The following EYS variants were observed in gnomAD, a reference collection of about 807,000 sequenced individuals.
EYS encodes EGF-like photoreceptor maintenance factor.
Under a neutral mutation model 282.1 loss-of-function variants are expected in EYS, and 250 were observed. That is an observed-to-expected ratio of 0.89 (90% CI 0.80 to 0.98). The LOEUF is 0.98. Among genes scored for constraint, EYS ranks in the 50% least tolerant of loss-of-function variants. The pLI is 0.00. For missense variants in EYS, 4,016 were observed against 3,709.0 expected (o/e 1.08, Z -2.15); for synonymous variants, 1,355 against 1,282.9 (o/e 1.06, Z -1.20).
At chr6:64,553,683 G>A (rs1238662570) in intron 26 of EYS, among the ~76,000 whole-genome samples, 1 of 151,578 alleles carries the variant, frequency 6.6e-6, no homozygotes, top group Non-Finnish European at 1.5e-5. Flanking sequence ...AGTTAACTCT[G>A]TGTCAACAAA....
chr6:64,557,530 A>G (rs759176821), intron 26 of EYS, among the ~76,000 whole-genome samples: 1 of 152,034 alleles, frequency 6.6e-6, no homozygotes, highest in Non-Finnish European at 1.5e-5. Flanking sequence ...GTTATTTTCA[A>G]TTACAATAAT....
intron 22 of EYS, among the ~76,000 whole-genome samples, chr6:64,786,494 T>C (rs1049476129): frequency 4.6e-5 from 7 of 151,410 alleles, no homozygotes; most frequent in Non-Finnish European, 8.9e-5. Context: ...CACCATGATG[T>C]TCTACACACA....
At chr6:64,087,320 C>A (rs2150249369) in intron 31 of EYS, among the ~76,000 whole-genome samples, 1 of 152,094 alleles carries the variant, frequency 6.6e-6, no homozygotes, top group South Asian at 2.1e-4. Flanking sequence ...TAAAGATTAC[C>A]CTAATGGAGC....
intron 12 of EYS, among the ~76,000 whole-genome samples, chr6:65,082,985 C>A (rs983465563): frequency 6.6e-6 from 1 of 151,758 alleles, no homozygotes; most frequent in South Asian, 2.1e-4. Context: ...TATTGATAGG[C>A]GAAATACTAT....
intron 36 of EYS, among the ~76,000 whole-genome samples, chr6:63,825,189 G>A (rs1405710713): frequency 1.3e-5 from 2 of 152,026 alleles, no homozygotes; most frequent in Non-Finnish European, 2.9e-5. Flanking sequence ...ATCCTCCTAG[G>A]TACACAACTC....
chr6:64,451,559 AAG>A (rs1285396786), intron 26 of EYS, among the ~76,000 whole-genome samples: 2 of 152,180 alleles, frequency 1.3e-5, no homozygotes, highest in African/African-American at 2.4e-5. Flanking sequence ...ACAACAAAAA[AAG>A]AGAATTTTAG....
chr6:65,361,443 TC>T (rs1343751795), intron 8 of EYS, among the ~76,000 whole-genome samples: 1 of 151,974 alleles, frequency 6.6e-6, no homozygotes, highest in Non-Finnish European at 1.5e-5. Flanking sequence ...GACAGGAATT[TC>T]TTTCTCTTTT....
chr6:63,965,718 A>T (rs911073412), intron 35 of EYS, among the ~76,000 whole-genome samples: 7 of 152,224 alleles, frequency 4.6e-5, no homozygotes, highest in African/African-American at 1.7e-4. Flanking sequence ...ATAAAAACAT[A>T]AACAGCACCA....
At chr6:65,042,921 A>G (rs1230698898) in intron 13 of EYS, among the ~76,000 whole-genome samples, 1 of 151,338 alleles carries the variant, frequency 6.6e-6, no homozygotes, top group Non-Finnish European at 1.5e-5. Flanking sequence ...ATTTTAATTT[A>G]TTTCTGTTGG....
chr6:64,454,342 G>T (rs1333036107), intron 26 of EYS, among the ~76,000 whole-genome samples: 1 of 151,982 alleles, frequency 6.6e-6, no homozygotes, highest in Non-Finnish European at 1.5e-5. Flanking sequence ...TTCTTCTTCA[G>T]GGTTGTGTTG....
At chr6:63,783,972 A>G (rs909598049) in intron 39 of EYS, among the ~76,000 whole-genome samples, 2 of 152,166 alleles carry the variant, frequency 1.3e-5, no homozygotes, top group Admixed American at 1.3e-4. Flanking sequence ...GCCTCATTCA[A>G]TCACTGAAGA....
At chr6:63,845,494 A>C (rs971953782) in intron 36 of EYS, among the ~76,000 whole-genome samples, 2 of 152,056 alleles carry the variant, frequency 1.3e-5, no homozygotes, top group East Asian at 3.9e-4. Flanking sequence ...CCGCAGCACC[A>C]CACTGCCCTT....
chr6:65,486,293 G>T (rs73743908), intron 5 of EYS, among the ~76,000 whole-genome samples: 1 of 152,160 alleles, frequency 6.6e-6, no homozygotes, highest in Non-Finnish European at 1.5e-5. Context: ...ATGGCATAAT[G>T]TGCTTTTTTT....
intron 35 of EYS, 43 bp downstream of exon 35, chr6:63,984,340 G>C: frequency 7.5e-7 from 1 of 1,333,876 alleles, no homozygotes; most frequent in Non-Finnish European, 1.1e-6. Context: ...TAAGAATTTG[G>C]AGTCATGTAA....
chr6:65,613,393 C>G (rs1251749114), intron 2 of EYS, among the ~76,000 whole-genome samples: 1 of 151,770 alleles, frequency 6.6e-6, no homozygotes, highest in Non-Finnish European at 1.5e-5. Context: ...CACTGTTCAT[C>G]ATAGTAATTA....
chr6:64,696,534 T>C (rs1460694052), intron 22 of EYS, among the ~76,000 whole-genome samples: 1 of 152,058 alleles, frequency 6.6e-6, no homozygotes, highest in Admixed American at 6.6e-5. Context: ...AAGAAGGACC[T>C]CACCATGACA....
At chr6:65,531,102 G>C (rs1582421316) in intron 2 of EYS, among the ~76,000 whole-genome samples, 1 of 152,104 alleles carries the variant, frequency 6.6e-6, no homozygotes, top group African/African-American at 2.4e-5. Flanking sequence ...TGACCTTACT[G>C]AAATTTAATT....
intron 26 of EYS, among the ~76,000 whole-genome samples, chr6:64,544,581 A>G (rs763830947): frequency 1.2e-4 from 18 of 152,218 alleles, no homozygotes; most frequent in Non-Finnish European, 2.2e-4. Flanking sequence ...TGAATCCAGC[A>G]GCTGGTTTTT....
At chr6:63,878,449 A>G (rs1289246746) in intron 35 of EYS, among the ~76,000 whole-genome samples, 1 of 152,158 alleles carries the variant, frequency 6.6e-6, no homozygotes, top group Non-Finnish European at 1.5e-5. Flanking sequence ...GAGGCAGTCT[A>G]TCCATTCTCA....
Sources: allele counts gnomAD v4.1 joint callset (sites outside exome capture counted in the v4.1 genomes callset), GRCh38; gene constraint gnomAD v4.1.1; transcripts MANE v1.5; gene names NCBI Gene and HGNC (gene_info 2026-07-23, HGNC 2026-07-21).